Variants in DLC1 observed in about 807,000 individuals in gnomAD.
The protein encoded by DLC1 is DLC1 Rho GTPase activating protein.
Under a neutral mutation model 140.3 loss-of-function variants are expected in DLC1, and 54 were observed. The ratio of observed to expected loss-of-function variants is 0.38; its 90% confidence interval spans 0.31 to 0.48. The LOEUF (loss-of-function observed/expected upper bound fraction) is 0.48. DLC1 is among the 20% of genes least tolerant of loss of function. DLC1 has a pLI of 0.96. For missense variants in DLC1, 2,536 were observed against 1,907.0 expected (o/e 1.33, Z -6.14); for synonymous variants, 986 against 728.1 (o/e 1.35, Z -5.70).
intron 5 of DLC1, among the ~76,000 whole-genome samples, chr8:13,286,648 C>T (rs534140643): frequency 2.0e-5 from 3 of 146,546 alleles, no homozygotes; most frequent in African/African-American, 7.6e-5. Context: ...CTAATATTAG[C>T]AGCAAAAGAA....
At chr8:13,590,521 C>T (rs941893675) in intron 1 of DLC1, among the ~76,000 whole-genome samples, 1 of 152,002 alleles carries the variant, frequency 6.6e-6, no homozygotes, top group African/African-American at 2.4e-5. Context: ...GAGGAAGACA[C>T]CAGTGTTTTC....
At chr8:13,342,220 C>G (rs144090521) in intron 4 of DLC1, 53 of 152,262 alleles carry the variant, frequency 3.5e-4, no homozygotes, top group African/African-American at 1.3e-3. Context: ...TATTTACAAA[C>G]TATTCAATGC....
intron 5 of DLC1, among the ~76,000 whole-genome samples, chr8:13,194,048 G>A (rs1340774969): frequency 6.6e-6 from 1 of 151,986 alleles, no homozygotes; most frequent in Non-Finnish European, 1.5e-5. Context: ...ATAGAGAGTG[G>A]CTAGGGCTTG....
chr8:13,265,077 A>G (rs752154500), intron 5 of DLC1, among the ~76,000 whole-genome samples: 21 of 152,236 alleles, frequency 1.4e-4, no homozygotes, highest in East Asian at 5.8e-4. Flanking sequence ...GCTTTTTCCT[A>G]TAGTAATAAA....
At chr8:13,173,077 A>G (rs529212421) in intron 5 of DLC1, among the ~76,000 whole-genome samples, 1 of 152,360 alleles carries the variant, frequency 6.6e-6, no homozygotes, top group East Asian at 1.9e-4. Context: ...CAGAGTGAAC[A>G]CCCATATCTT....
intron 5 of DLC1, among the ~76,000 whole-genome samples, chr8:13,293,982 C>CT (rs1831854727): frequency 6.6e-6 from 1 of 152,092 alleles, no homozygotes; most frequent in South Asian, 2.1e-4. Flanking sequence ...ATAATTTTAT[C>CT]GAACACTCAG....
intron 5 of DLC1, among the ~76,000 whole-genome samples, chr8:13,286,201 C>T (rs757536141): frequency 6.6e-6 from 1 of 152,068 alleles, no homozygotes; most frequent in Non-Finnish European, 1.5e-5. Context: ...AATTCTCTAA[C>T]CAAAGCAAAC....
intron 15 of DLC1, 136 bp from the exon 16 acceptor site, chr8:13,088,840 T>C: frequency 3.0e-6 from 2 of 656,554 alleles, no homozygotes; most frequent in Non-Finnish European, 5.1e-6. Flanking sequence ...AATAATACTA[T>C]ATAATCAGTA....
At chr8:13,438,704 C>T (rs776133243) in intron 2 of DLC1, among the ~76,000 whole-genome samples, 1 of 152,166 alleles carries the variant, frequency 6.6e-6, no homozygotes, top group African/African-American at 2.4e-5. Flanking sequence ...TTTTCACAGG[C>T]TCACTTCCCC....
intron 5 of DLC1, among the ~76,000 whole-genome samples, chr8:13,217,383 C>A (rs556232093): frequency 6.6e-6 from 1 of 152,284 alleles, no homozygotes; most frequent in Admixed American, 6.5e-5. Flanking sequence ...TCTCTTTGTA[C>A]TAAGTTGTGC....
intron 2 of DLC1, among the ~76,000 whole-genome samples, chr8:13,466,359 G>GCC (rs1451995396): frequency 6.6e-6 from 1 of 152,142 alleles, no homozygotes; most frequent in Non-Finnish European, 1.5e-5. Flanking sequence ...CACTTCTGTT[G>GCC]TTTCATGTGT....
At position 13,393,668 on chromosome 8, in the gene DLC1, C is replaced by A. The variant is rs754639420; in HGVS notation, c.1199G>T (p.Gly400Val). The change falls in exon 4 of 18, where the codon GGA becomes GTA. Residue 400 changes from glycine to valine, a missense_variant. Gly to Val is a moderately radical substitution (Grantham distance 109, BLOSUM62 -3). Coordinates refer to ENST00000276297, the MANE Select transcript of DLC1 (RefSeq NM_182643.3). ...VPDLESGSES[G>V]ADTISVNQTR... ...CTGATTTACTGAAATGGTATCTGCT[C>A]CACTTTCAGATCCTGATTCCAGATC... is the stretch of plus-strand genomic sequence containing the variant. 6.2e-7 allele frequency: 1 copy of A among 1,613,802 alleles called. No homozygotes were observed. The highest frequency in any genetic ancestry group is 1.7e-5 in the Admixed American group (1 of 59,952).
intron 5 of DLC1, among the ~76,000 whole-genome samples, chr8:13,205,484 T>C (rs1013009042): frequency 6.6e-6 from 1 of 152,192 alleles, no homozygotes; most frequent in Non-Finnish European, 1.5e-5. Flanking sequence ...TCAATCATTC[T>C]TTTGCTTTCA....
At chr8:13,166,097 C>T (rs11991554) in intron 5 of DLC1, among the ~76,000 whole-genome samples, 11,968 of 152,168 alleles carry the variant, frequency 0.079, 1,588 homozygotes, top group African/African-American at 0.27. Context: ...CCTGGTGTTT[C>T]CCTAATGACA....
chr8:13,601,590 A>T (rs1412765563), intron 1 of DLC1, among the ~76,000 whole-genome samples: 2 of 151,172 alleles, frequency 1.3e-5, no homozygotes, highest in Non-Finnish European at 3.0e-5. Flanking sequence ...CTGGGATATG[A>T]GATGGTAACT....
At chr8:13,192,675 T>C (rs1391487289) in intron 5 of DLC1, among the ~76,000 whole-genome samples, 1 of 152,176 alleles carries the variant, frequency 6.6e-6, no homozygotes, top group Non-Finnish European at 1.5e-5. Context: ...TGATTGACTT[T>C]GGAGATAAGG....
At chr8:13,180,201 C>T (rs1277608357) in intron 5 of DLC1, among the ~76,000 whole-genome samples, 1 of 152,180 alleles carries the variant, frequency 6.6e-6, no homozygotes, top group Non-Finnish European at 1.5e-5. Context: ...ACTACTTGTT[C>T]CCTGCCTGGC....
chr8:13,227,062 G>C (rs116395730), intron 5 of DLC1, among the ~76,000 whole-genome samples: 2,347 of 152,210 alleles, frequency 0.015, 71 homozygotes, highest in African/African-American at 0.053. Flanking sequence ...GGCAGGGACT[G>C]ACCACTGAGC....
intron 5 of DLC1, chr8:13,116,194 C>G (rs1183143561): frequency 6.1e-6 from 6 of 985,380 alleles, no homozygotes; most frequent in Admixed American, 6.1e-5. Flanking sequence ...AGGTATTAAT[C>G]CAGTAGGAGA....
Sources: allele counts gnomAD v4.1 joint callset (sites outside exome capture counted in the v4.1 genomes callset), GRCh38; gene constraint gnomAD v4.1.1; transcripts MANE v1.5; gene names NCBI Gene and HGNC (gene_info 2026-07-23, HGNC 2026-07-21).